The following MAGI1 variants were observed in gnomAD, a reference collection of about 807,000 sequenced individuals.
The protein encoded by MAGI1 is membrane-associated guanylate kinase, WW and PDZ domain-containing protein 1.
MAGI1 carries 58 observed loss-of-function variants against 139.9 expected under a neutral mutation model. That is an observed-to-expected ratio of 0.41 (90% CI 0.34 to 0.52). MAGI1 has a LOEUF of 0.52. MAGI1 is among the 20% of genes least tolerant of loss of function. The pLI is 0.12. For synonymous variants in MAGI1, 812 were observed against 737.9 expected (o/e 1.10, Z -1.63); for missense variants, 1,874 against 1,901.6 (o/e 0.99, Z 0.27).
chr3:65,605,469 G>C (rs1166226308), intron 2 of MAGI1, among the ~76,000 whole-genome samples: 1 of 152,196 alleles, frequency 6.6e-6, no homozygotes, highest in African/African-American at 2.4e-5. Context: ...TGATATGAAA[G>C]TAATTGTGCT....
At chr3:65,644,595 A>G (rs2085158666) in intron 1 of MAGI1, among the ~76,000 whole-genome samples, 1 of 152,054 alleles carries the variant, frequency 6.6e-6, no homozygotes, top group Non-Finnish European at 1.5e-5. Flanking sequence ...ATAAATAGAA[A>G]TTTTAGAACT....
At chr3:65,987,629 C>CT (rs1208342941) in intron 1 of MAGI1, among the ~76,000 whole-genome samples, 1 of 152,122 alleles carries the variant, frequency 6.6e-6, no homozygotes, top group Non-Finnish European at 1.5e-5. Flanking sequence ...GAGTCTTACT[C>CT]TGTCACCCAG....
At chr3:65,689,488 A>C (rs1374711702) in intron 1 of MAGI1, among the ~76,000 whole-genome samples, 1 of 152,144 alleles carries the variant, frequency 6.6e-6, no homozygotes, top group Admixed American at 6.5e-5. Context: ...AAAATAAAAA[A>C]CCACTCCAAT....
At chr3:65,529,932 C>G (rs1177482710) in intron 2 of MAGI1, among the ~76,000 whole-genome samples, 1 of 152,158 alleles carries the variant, frequency 6.6e-6, no homozygotes, top group Non-Finnish European at 1.5e-5. Flanking sequence ...CCATCATTAG[C>G]TGATCTTGAC....
At chr3:65,649,192 A>C (rs1340957941) in intron 1 of MAGI1, among the ~76,000 whole-genome samples, 1 of 152,068 alleles carries the variant, frequency 6.6e-6, no homozygotes, top group African/African-American at 2.4e-5. Flanking sequence ...TGGGCAACAC[A>C]GTGAGACACC....
intron 1 of MAGI1, among the ~76,000 whole-genome samples, chr3:65,879,557 A>G (rs1213514103): frequency 6.6e-6 from 1 of 152,182 alleles, no homozygotes; most frequent in African/African-American, 2.4e-5. Context: ...ACATAATCCC[A>G]GCTCTACTAT....
chr3:65,369,594 C>T (rs1486125500), intron 18 of MAGI1, among the ~76,000 whole-genome samples: 1 of 151,728 alleles, frequency 6.6e-6, no homozygotes, highest in Non-Finnish European at 1.5e-5. Flanking sequence ...TAGCAACCTC[C>T]GCCTCCTGGT....
intron 1 of MAGI1, among the ~76,000 whole-genome samples, chr3:65,694,486 C>A (rs1459532833): frequency 3.9e-5 from 6 of 152,156 alleles, no homozygotes; most frequent in Admixed American, 3.9e-4. Flanking sequence ...CGGGGTTCAA[C>A]CTTCTAAGGA....
intron 14 of MAGI1, among the ~76,000 whole-genome samples, chr3:65,386,442 G>T (rs879590713): frequency 6.6e-6 from 1 of 151,974 alleles, no homozygotes; most frequent in Admixed American, 6.6e-5. Context: ...CTTTAATTTT[G>T]GTATTTTAAG....
intron 18 of MAGI1, among the ~76,000 whole-genome samples, chr3:65,367,246 T>C (rs73123801): frequency 0.034 from 5,231 of 152,270 alleles, 132 homozygotes; most frequent in South Asian, 0.05. Flanking sequence ...TTCTTGTGTG[T>C]TGTTGGTAGC....
chr3:65,795,732 G>C (rs889448017), intron 1 of MAGI1, among the ~76,000 whole-genome samples: 26 of 79,196 alleles, frequency 3.3e-4, no homozygotes, highest in Non-Finnish European at 5.6e-4. Context: ...CACACGGAGA[G>C]AGAGAGAGAG....
At chr3:65,484,022 C>G (rs929750147) in intron 3 of MAGI1, among the ~76,000 whole-genome samples, 2 of 152,144 alleles carry the variant, frequency 1.3e-5, no homozygotes, top group Non-Finnish European at 2.9e-5. Context: ...TTACAGAAAA[C>G]CTTTTTAATG....
At chr3:65,493,010 A>G (rs542162720) in intron 3 of MAGI1, among the ~76,000 whole-genome samples, 58 of 150,896 alleles carry the variant, frequency 3.8e-4, no homozygotes, top group African/African-American at 7.3e-4. Context: ...CCCAGGAGGC[A>G]GAGCTTACAG....
At chr3:65,359,213 A>G in intron 22 of MAGI1, 1 of 1,599,552 alleles carries the variant, frequency 6.3e-7, no homozygotes, top group East Asian at 2.2e-5. Context: ...AGAGAAAGAG[A>G]AAAAGTTGAA....
At chr3:65,419,755 T>C (rs1575678388) in intron 12 of MAGI1, among the ~76,000 whole-genome samples, 2 of 149,274 alleles carry the variant, frequency 1.3e-5, no homozygotes, top group Non-Finnish European at 1.5e-5. Flanking sequence ...TTTCCTTCAG[T>C]TGGGGTCAGC....
chr3:65,391,435 G>C, intron 13 of MAGI1, 77 bp from the exon 14 acceptor site: 1 of 1,281,910 alleles, frequency 7.8e-7, no homozygotes, highest in South Asian at 1.3e-5. Flanking sequence ...CCACCAGCTT[G>C]TCTTTGTTTA....
intron 2 of MAGI1, among the ~76,000 whole-genome samples, chr3:65,575,373 CAAAGCAA>C (rs1245302819): frequency 2.0e-5 from 3 of 151,814 alleles, no homozygotes; most frequent in Non-Finnish European, 4.4e-5. Flanking sequence ...AAAGACTGAC[CAAAGCAA>C]GTATTGATGA....
chr3:65,380,339 T>G (rs749183711), intron 16 of MAGI1, among the ~76,000 whole-genome samples: 36 of 152,256 alleles, frequency 2.4e-4, no homozygotes, highest in Non-Finnish European at 4.6e-4. Context: ...TTTCATAGAT[T>G]GTTTTAATTT....
rs77403102 is a variant in MAGI1 at position 65,700,936 on chromosome 3, C to T, written c.314-78848G>A. On this transcript the variant is annotated intron_variant, in intron 1 of 22. Transcript: ENST00000402939. ...CAACATACTCCTTACACCCACCAAT[C>T]CTTTAGAACATGAAGGCTGGGACCC... Among the ~76,000 whole-genome samples the T allele has an allele frequency of 8.6e-3, 1,312 of 152,284 alleles. 19 individuals carry two copies. The highest frequency in any genetic ancestry group is 0.03 in the African/African-American group (1,250 of 41,546).
Sources: gnomAD v4.1 joint callset for allele counts (sites outside exome capture counted in the v4.1 genomes callset) on GRCh38, gnomAD v4.1.1 for gene constraint, MANE v1.5 for transcripts, NCBI Gene and HGNC (gene_info 2026-07-23, HGNC 2026-07-21) for gene names.